The following CTNNA3 variants were observed in gnomAD, a reference collection of about 807,000 sequenced individuals.
CTNNA3 encodes the protein catenin alpha-3.
Under a neutral mutation model 95.7 loss-of-function variants are expected in CTNNA3, and 76 were observed. The observed-to-expected ratio is 0.79, with a 90% CI of 0.66 to 0.96. CTNNA3 has a LOEUF of 0.96. Ranked by LOEUF, CTNNA3 falls within the 40% of genes least tolerant of loss-of-function variation. The pLI is 0.00. For synonymous variants in CTNNA3, 431 were observed against 374.4 expected, an observed-to-expected ratio of 1.15 and a Z score of -1.74; for missense variants, 1,191 against 1,089.8, an observed-to-expected ratio of 1.09 and a Z score of -1.31.
At chr10:65,991,681 A>G (rs1241263302) in intron 15 of CTNNA3, among the ~76,000 whole-genome samples, 1 of 152,030 alleles carries the variant, frequency 6.6e-6, no homozygotes, top group African/African-American at 2.4e-5. Context: ...AATATAAGAT[A>G]ATTTCATTGC....
intron 16 of CTNNA3, among the ~76,000 whole-genome samples, chr10:65,986,793 G>A (rs988080384): frequency 6.6e-6 from 1 of 150,874 alleles, no homozygotes; most frequent in African/African-American, 2.4e-5. Flanking sequence ...AACATCACAC[G>A]ACCTGGCTTC....
In CTNNA3 at chr10:66,054,517, A is replaced by T. The variant is rs574288222; in HGVS notation, c.2159+14791T>A. On this transcript the variant is annotated intron_variant, in intron 15 of 17. Transcript: ENST00000433211. ...TTTCATATACCAGTTTGCCATTTGTATGTATCCTTTTGAGAAATGTCTATG... is the reference window on the plus strand; with the variant it reads ...TTTCATATACCAGTTTGCCATTTGTTTGTATCCTTTTGAGAAATGTCTATG... 2.0e-5 allele frequency among the ~76,000 whole-genome samples: 3 copies of T among 152,276 alleles called. No individual in the cohort carries two copies. The South Asian group carries it at 6.2e-4, about 32-fold the overall frequency.
intron 11 of CTNNA3, among the ~76,000 whole-genome samples, chr10:66,516,683 T>C (rs1840870608): frequency 6.6e-6 from 1 of 152,196 alleles, no homozygotes; most frequent in African/African-American, 2.4e-5. Context: ...TAAACTCATC[T>C]TGGAAATCTA....
intron 5 of CTNNA3, among the ~76,000 whole-genome samples, chr10:67,368,565 T>C (rs1030562045): frequency 2.0e-5 from 3 of 152,210 alleles, no homozygotes; most frequent in Admixed American, 6.5e-5. Flanking sequence ...AATACATGAA[T>C]GTTCATGACA....
intron 7 of CTNNA3, among the ~76,000 whole-genome samples, chr10:66,979,932 C>T (rs1479067638): frequency 1.3e-5 from 2 of 152,118 alleles, no homozygotes; most frequent in Non-Finnish European, 2.9e-5. Flanking sequence ...CTTTACTTTC[C>T]TCAAGTACTG....
At chr10:65,952,765 A>G (rs923764041) in intron 17 of CTNNA3, among the ~76,000 whole-genome samples, 3 of 152,176 alleles carry the variant, frequency 2.0e-5, no homozygotes, top group Non-Finnish European at 4.4e-5. Flanking sequence ...TTGAATGAAC[A>G]TGGCCCCTTG....
intron 7 of CTNNA3, among the ~76,000 whole-genome samples, chr10:66,998,435 T>C (rs1227278345): frequency 6.6e-6 from 1 of 152,042 alleles, no homozygotes; most frequent in Non-Finnish European, 1.5e-5. Flanking sequence ...ACCCAATAAA[T>C]ACAAAGGGAC....
At chr10:66,119,594 G>T (rs897906576) in intron 13 of CTNNA3, among the ~76,000 whole-genome samples, 1 of 151,992 alleles carries the variant, frequency 6.6e-6, no homozygotes, top group Admixed American at 6.6e-5. Context: ...GCTTTTTTAG[G>T]CTTTAACTAT....
chr10:67,157,295 A>T (rs1266404385), intron 7 of CTNNA3, among the ~76,000 whole-genome samples: 1 of 152,184 alleles, frequency 6.6e-6, no homozygotes, highest in Non-Finnish European at 1.5e-5. Context: ...AAATCAACAT[A>T]CAAATAAGTA....
intron 2 of CTNNA3, among the ~76,000 whole-genome samples, chr10:67,615,340 G>A (rs920368886): frequency 6.6e-6 from 1 of 152,140 alleles, no homozygotes; most frequent in Non-Finnish European, 1.5e-5. Flanking sequence ...AGAGATTTAC[G>A]TGTCAAACAC....
intron 3 of CTNNA3, among the ~76,000 whole-genome samples, chr10:67,581,296 T>A (rs190909960): frequency 6.6e-5 from 10 of 152,344 alleles, no homozygotes; most frequent in South Asian, 2.1e-4. Context: ...GAAAGGCCTT[T>A]TCTGCATCTA....
At chr10:66,728,167 G>C (rs1848837646) in intron 9 of CTNNA3, among the ~76,000 whole-genome samples, 1 of 152,148 alleles carries the variant, frequency 6.6e-6, no homozygotes, top group Non-Finnish European at 1.5e-5. Flanking sequence ...TTTGCAAGTG[G>C]CTACCAGAAA....
intron 7 of CTNNA3, chr10:67,054,704 T>A (rs1855318761): frequency 6.6e-6 from 1 of 152,162 alleles, no homozygotes; most frequent in South Asian, 2.1e-4. Context: ...CTGGCACCAC[T>A]TACTCTTGTT....
At chr10:66,502,580 A>G (rs1840314082) in intron 11 of CTNNA3, among the ~76,000 whole-genome samples, 1 of 152,124 alleles carries the variant, frequency 6.6e-6, no homozygotes, top group Non-Finnish European at 1.5e-5. Context: ...TTTGATACAC[A>G]TGGCATTTAT....
At chr10:67,084,079 A>C (rs4746656) in intron 7 of CTNNA3, among the ~76,000 whole-genome samples, 94,384 of 151,922 alleles carry the variant, frequency 0.62, 30,506 homozygotes, top group African/African-American at 0.81. Flanking sequence ...GTGTTTCCTT[A>C]TAAACAAGCA....
At chr10:66,412,890 T>G (rs773854422) in intron 11 of CTNNA3, among the ~76,000 whole-genome samples, 7 of 152,172 alleles carry the variant, frequency 4.6e-5, no homozygotes, top group Non-Finnish European at 1.0e-4. Flanking sequence ...GAAAGTCACA[T>G]AGGTGTAATA....
At chr10:67,351,053 C>T (rs565387065) in intron 5 of CTNNA3, among the ~76,000 whole-genome samples, 22 of 151,614 alleles carry the variant, frequency 1.5e-4, no homozygotes, top group Non-Finnish European at 2.9e-4. Flanking sequence ...GATAAATAAA[C>T]TATTGATACA....
chr10:66,334,058 C>CT (rs1589104304), intron 12 of CTNNA3, among the ~76,000 whole-genome samples: 2 of 151,710 alleles, frequency 1.3e-5, no homozygotes, highest in Admixed American at 6.6e-5. Context: ...CAACCCCTAC[C>CT]TTTTTTTGTT....
intron 9 of CTNNA3, among the ~76,000 whole-genome samples, chr10:66,625,021 G>T (rs1844883766): frequency 1.4e-5 from 1 of 70,138 alleles, no homozygotes; most frequent in Non-Finnish European, 3.4e-5. Context: ...TTATTGAAAA[G>T]AAAAACCTGG....
Sources: gnomAD v4.1 joint callset for allele counts (sites outside exome capture counted in the v4.1 genomes callset) on GRCh38, gnomAD v4.1.1 for gene constraint, MANE v1.5 for transcripts, NCBI Gene and HGNC (gene_info 2026-07-23, HGNC 2026-07-21) for gene names.